ZNF726: variants seen among roughly 807,000 people sequenced by gnomAD.
The protein encoded by ZNF726 is zinc finger protein 726.
ZNF726 carries 15 observed loss-of-function variants against 11.6 expected under a neutral mutation model. The ratio of observed to expected loss-of-function variants is 1.29; its 90% CI spans 0.86 to 1.99. ZNF726 has a LOEUF of 1.99. ZNF726 is among the 30% of genes most tolerant of loss of function. The pLI is 0.00. For missense variants in ZNF726, 890 were observed against 725.6 expected (o/e 1.23, Z -2.60); for synonymous variants, 295 against 243.6 (o/e 1.21, Z -1.96).
intron 3 of ZNF726, chr19:23,928,189 G>A (rs902897477): frequency 6.6e-6 from 1 of 152,128 alleles, no homozygotes. Flanking sequence ...CTGTAAGCTT[G>A]GTGACACTCT....
At chr19:23,936,071 G>C (rs1169544255), downstream of ZNF726, 2 of 152,074 alleles carry the variant, frequency 1.3e-5, no homozygotes, top group African/African-American at 4.8e-5. Context: ...TTATATTGAA[G>C]AAAACCCTGC....
chr19:23,928,297 C>G (rs1045110987), intron 3 of ZNF726: 1 of 152,174 alleles, frequency 6.6e-6, no homozygotes, highest in African/African-American at 2.4e-5. Flanking sequence ...CAGTATTCAC[C>G]TATATGCAAA....
At chr19:23,940,621 A>G (rs1457729377) in intron 3 of ZNF726, among the ~76,000 whole-genome samples, 5 of 152,144 alleles carry the variant, frequency 3.3e-5, no homozygotes, top group African/African-American at 9.7e-5. Flanking sequence ...TCCTTCCATG[A>G]GCATGGGATG....
intron 3 of ZNF726, among the ~76,000 whole-genome samples, chr19:23,922,994 G>T (rs1211640625): frequency 2.8e-5 from 4 of 145,442 alleles, no homozygotes; most frequent in African/African-American, 5.1e-5. Context: ...CTTCAAATTT[G>T]TCTGTAATTT....
chr19:23,924,293 A>G (rs67492250), intron 3 of ZNF726, among the ~76,000 whole-genome samples: 26,624 of 151,592 alleles, frequency 0.18, 2,443 homozygotes, highest in East Asian at 0.22. Flanking sequence ...ACCTCAGTTG[A>G]AATGCCCACC....
In ZNF726 at chr19:23,915,051, G is replaced by A. The variant is rs1028446855; in HGVS notation, c.3+54G>A. Reference sequence around the variant, plus strand: ...AGAGGGAACGGGGCTGGCTGGAACCGGTGGGAAGCGGCAGTGGCGGGACTC... The same window carrying A: ...AGAGGGAACGGGGCTGGCTGGAACCAGTGGGAAGCGGCAGTGGCGGGACTC... On this transcript the variant is annotated intron_variant, in intron 1 of 3. Coordinates refer to ENST00000594466, the MANE Select transcript of ZNF726 (RefSeq NM_001244038.2). 7 of 1,613,304 alleles carry A rather than the reference G, an allele frequency of 4.3e-6. No individual in the cohort carries two copies. The African/African-American group carries it at 9.3e-5, about 22-fold the overall frequency.
In ZNF726 at chr19:23,932,911, A is replaced by C. The variant is rs970166762; in HGVS notation, c.795A>C (p.Ala265=). The C allele has an allele frequency of 6.2e-7, 1 of 1,610,172 alleles. No homozygotes were observed. Among genetic ancestry groups the C allele is most frequent in the East Asian group, 2.2e-5 (1 of 44,768 alleles). The change falls in exon 4 of 4, where the codon GCA becomes GCC. Residue 265 remains alanine, a synonymous_variant. Coordinates refer to ENST00000594466, the MANE Select transcript of ZNF726 (RefSeq NM_001244038.2). ...KPYKCEECGK[A]FSQSSTLTIH... is the part of the protein sequence containing the mutation. ...ACAAGTGTGAAGAATGTGGCAAAGC[A>C]TTTAGCCAATCCTCAACACTAACCA...
At chr19:23,942,802 T>C (rs972878453) in intron 3 of ZNF726, among the ~76,000 whole-genome samples, 2 of 152,234 alleles carry the variant, frequency 1.3e-5, no homozygotes, top group Admixed American at 1.3e-4. Flanking sequence ...TTGGTGTCCA[T>C]TTGCATGAAA....
intron 3 of ZNF726, among the ~76,000 whole-genome samples, chr19:23,926,045 G>C (rs998310376): frequency 6.6e-6 from 1 of 151,986 alleles, no homozygotes; most frequent in African/African-American, 2.4e-5. Context: ...TATAGTTTTT[G>C]AATATTGACT....
At chr19:23,924,381 A>T (rs1301692531) in intron 3 of ZNF726, among the ~76,000 whole-genome samples, 2 of 151,932 alleles carry the variant, frequency 1.3e-5, no homozygotes, top group African/African-American at 4.8e-5. Flanking sequence ...TGTTGGTTTT[A>T]TCTTGTCTAA....
Position 23,914,923 on chromosome 19 carries a change from A to T in ZNF726, c.-72A>T, listed in dbSNP as rs1396955327. The T allele has an allele frequency of 1.2e-6, 2 of 1,608,270 alleles. No homozygotes were observed. Among genetic ancestry groups the T allele is most frequent in the Non-Finnish European group, 1.7e-6 (2 of 1,177,542 alleles). On this transcript the variant is annotated 5_prime_UTR_variant, in exon 1 of 4. Transcript: ENST00000594466. ...GGCCGGAGCTCCAGGTCTCGTCCTC[A>T]CTACTCTGTGTCTTCTGCTTTTAGG... is the stretch of plus-strand genomic sequence containing the variant.
chr19:23,915,724 G>C (rs1479581185), intron 1 of ZNF726, among the ~76,000 whole-genome samples: 1 of 151,996 alleles, frequency 6.6e-6, no homozygotes, highest in Non-Finnish European at 1.5e-5. Context: ...GGGACTACAG[G>C]CGCCTGCCAC....
intron 3 of ZNF726, among the ~76,000 whole-genome samples, chr19:23,930,907 TG>T (rs1444756182): frequency 6.6e-6 from 1 of 152,334 alleles, no homozygotes; most frequent in East Asian, 1.9e-4. Context: ...TGCAACATAT[TG>T]CTAAAATGTT....
intron 3 of ZNF726, among the ~76,000 whole-genome samples, chr19:23,939,932 G>A (rs62114234): frequency 1.0e-4 from 14 of 138,358 alleles, no homozygotes; most frequent in Admixed American, 9.7e-4. Context: ...TAGTCCTTTG[G>A]CAGATGTATA....
chr19:23,922,484 C>T (rs909048094), intron 3 of ZNF726, among the ~76,000 whole-genome samples: 6 of 152,176 alleles, frequency 3.9e-5, no homozygotes, highest in Non-Finnish European at 7.3e-5. Flanking sequence ...GCAGGACCCA[C>T]GCTGCCCATT....
At chr19:23,928,567 C>A (rs899681305) in intron 3 of ZNF726, 3 of 152,020 alleles carry the variant, frequency 2.0e-5, no homozygotes, top group African/African-American at 7.2e-5. Flanking sequence ...ACCCATTTTA[C>A]CAATATATAC....
rs1968160658 is a variant in ZNF726, at chr19:23,933,348, A to G, written c.1232A>G (p.Asn411Ser). Residue 411 changes from asparagine to serine, a missense_variant, in exon 4 of 4, where the codon AAT (asparagine) becomes AGT (serine). Transcript: ENST00000594466. Reference sequence around the variant, plus strand: ...GGCAAAGCTTTTCATCGATCCTCAAATCTTACTAAACATAAGATAATTCAT... The same window carrying G: ...GGCAAAGCTTTTCATCGATCCTCAAGTCTTACTAAACATAAGATAATTCAT... ...ECGKAFHRSS[N>S]LTKHKIIHTG... 4 of 1,611,294 alleles carry G rather than the reference A, an allele frequency of 2.5e-6. No individual in the cohort carries two copies. Among genetic ancestry groups the G allele is most frequent in the Non-Finnish European group, 3.4e-6 (4 of 1,179,450 alleles).
At chr19:23,923,202 A>G (rs1248285776) in intron 3 of ZNF726, among the ~76,000 whole-genome samples, 1 of 152,104 alleles carries the variant, frequency 6.6e-6, no homozygotes, top group Non-Finnish European at 1.5e-5. Flanking sequence ...ATATATATAT[A>G]ATTAAGCAAT....
downstream of ZNF726, chr19:23,935,737 A>G (rs1482578843): frequency 3.7e-5 from 8 of 218,482 alleles, no homozygotes; most frequent in Non-Finnish European, 7.4e-5. Context: ...CTTCTAACCA[A>G]TGCTCATAGC....
Sources: gnomAD v4.1 joint callset for allele counts (sites outside exome capture counted in the v4.1 genomes callset) on GRCh38, gnomAD v4.1.1 for gene constraint, MANE v1.5 for transcripts, NCBI Gene and HGNC (gene_info 2026-07-23, HGNC 2026-07-21) for gene names.